Variants in SEC11A observed in about 807,000 individuals in gnomAD.
SEC11A encodes SEC11 homolog A, signal peptidase complex subunit, also known as signal peptidase complex catalytic subunit SEC11A.
Under a neutral mutation model 25.6 loss-of-function variants are expected in SEC11A, and 14 were observed. The observed-to-expected ratio is 0.55, with a 90% CI of 0.36 to 0.85. The LOEUF (loss-of-function observed/expected upper bound fraction) is 0.85, where lower values mean the gene tolerates loss of function less well. Ranked by LOEUF, SEC11A falls within the 40% of genes least tolerant of loss-of-function variation. The pLI is 0.01. For synonymous variants in SEC11A, 83 were observed against 76.4 expected (o/e 1.09, Z -0.45); for missense variants, 153 against 222.9 (o/e 0.69, Z 2.00).
intron 3 of SEC11A, chr15:84,686,756 T>G (rs1897437071): frequency 6.6e-6 from 1 of 152,368 alleles, no homozygotes. Flanking sequence ...TGGAGTGCAG[T>G]GGCACAAACA....
intron 1 of SEC11A, among the ~76,000 whole-genome samples, chr15:84,708,767 G>T (rs977669014): frequency 6.6e-6 from 1 of 151,532 alleles, no homozygotes; most frequent in Non-Finnish European, 1.5e-5. Context: ...CAGCCTAGGT[G>T]ACAGAGCGAG....
chr15:84,691,725 G>A, intron 1 of SEC11A, 81 bp from the exon 2 acceptor site: 1 of 749,204 alleles, frequency 1.3e-6, no homozygotes, highest in South Asian at 1.6e-5. Context: ...CAATTTGAAA[G>A]TTTCAAGCAG....
intron 3 of SEC11A, chr15:84,685,793 ATTTCTTT>A (rs1567036931): frequency 7.7e-6 from 1 of 129,928 alleles, no homozygotes; most frequent in Non-Finnish European, 1.6e-5. Context: ...TCCAAAATAA[ATTTCTTT>A]TTTTTTTTTT....
At chr15:84,700,672 A>C (rs1010819775) in intron 1 of SEC11A, among the ~76,000 whole-genome samples, 1 of 143,608 alleles carries the variant, frequency 7.0e-6, no homozygotes, top group African/African-American at 2.5e-5. Context: ...TTAAGTAGAG[A>C]TGTGGATGAT....
At chr15:84,706,011 A>G (rs1898083401) in intron 1 of SEC11A, among the ~76,000 whole-genome samples, 1 of 151,522 alleles carries the variant, frequency 6.6e-6, no homozygotes, top group Non-Finnish European at 1.5e-5. Context: ...TCCTGGGTTC[A>G]TGCGATTCTC....
intron 1 of SEC11A, among the ~76,000 whole-genome samples, chr15:84,710,118 T>C (rs1390354653): frequency 1.3e-5 from 2 of 152,200 alleles, no homozygotes; most frequent in East Asian, 3.8e-4. Context: ...CAGTTTAAAA[T>C]GTGTAATCAG....
chr15:84,691,862 AT>A, intron 1 of SEC11A: 1 of 394,734 alleles, frequency 2.5e-6, no homozygotes, highest in East Asian at 4.3e-5. Flanking sequence ...TTGGTAAAAC[AT>A]CAGTTACATT....
At chr15:84,698,827 G>T (rs550207336) in intron 1 of SEC11A, among the ~76,000 whole-genome samples, 1 of 152,166 alleles carries the variant, frequency 6.6e-6, no homozygotes, top group South Asian at 2.1e-4. Context: ...TCAGATTTGG[G>T]ATGTTCAACC....
chr15:84,691,079 T>C, intron 2 of SEC11A, among the ~76,000 whole-genome samples: 1 of 150,080 alleles, frequency 6.7e-6, no homozygotes. Context: ...CTCTCTTTTT[T>C]TTTTTTTTTT....
intron 4 of SEC11A, among the ~76,000 whole-genome samples, chr15:84,678,762 A>G (rs34452033): frequency 0.21 from 31,409 of 151,988 alleles, 4,063 homozygotes; most frequent in Middle Eastern, 0.37. Context: ...AGAGGCCAAG[A>G]CAGGTGGATC....
At chr15:84,702,466 C>CAA (rs759030374) in intron 1 of SEC11A, among the ~76,000 whole-genome samples, 6 of 96,994 alleles carry the variant, frequency 6.2e-5, no homozygotes, top group Non-Finnish European at 8.5e-5. Context: ...AACTCCGTCT[C>CAA]AAAAAAAAAA....
At chr15:84,687,912 TGTA>T (rs1378241534) in intron 2 of SEC11A, 138 bp from the exon 3 acceptor site, 1 of 733,374 alleles carries the variant, frequency 1.4e-6, no homozygotes, top group African/African-American at 1.9e-5. Context: ...AACAGAAATG[TGTA>T]TTGTTCTCAA....
chr15:84,706,374 C>A (rs1352717668), intron 1 of SEC11A, among the ~76,000 whole-genome samples: 1 of 152,114 alleles, frequency 6.6e-6, no homozygotes, highest in Non-Finnish European at 1.5e-5. Flanking sequence ...TCCTGACCAT[C>A]AGAGAGAAAT....
At chr15:84,682,804 T>C (rs1264523270) in intron 3 of SEC11A, among the ~76,000 whole-genome samples, 4 of 152,158 alleles carry the variant, frequency 2.6e-5, no homozygotes, top group African/African-American at 9.7e-5. Flanking sequence ...TAAAGAACCA[T>C]GAAGTTTCTA....
chr15:84,706,747 G>C (rs961597976), intron 1 of SEC11A, among the ~76,000 whole-genome samples: 2 of 152,212 alleles, frequency 1.3e-5, no homozygotes, highest in African/African-American at 4.8e-5. Flanking sequence ...TAACAGTTTT[G>C]TACTTTATCA....
intron 1 of SEC11A, among the ~76,000 whole-genome samples, chr15:84,704,925 T>TG (rs1468366595): frequency 2.0e-5 from 3 of 151,022 alleles, no homozygotes; most frequent in Non-Finnish European, 3.0e-5. Context: ...GGAGTCTTTT[T>TG]TTTTTTCTCT....
chr15:84,699,921 G>A (rs74024732), intron 1 of SEC11A, among the ~76,000 whole-genome samples: 2,376 of 152,030 alleles, frequency 0.016, 114 homozygotes, highest in African/African-American at 0.054. Flanking sequence ...CAGCTCTTAT[G>A]GCGTAAGAAT....
At chr15:84,680,038 T>G in intron 4 of SEC11A, 1 of 1,015,020 alleles carries the variant, frequency 9.9e-7, no homozygotes, top group Admixed American at 2.2e-5. Flanking sequence ...ACTAGAAATA[T>G]TATGGATTAA....
At chr15:84,678,503 T>C (rs553280992) in intron 4 of SEC11A, among the ~76,000 whole-genome samples, 3 of 152,354 alleles carry the variant, frequency 2.0e-5, no homozygotes, top group Non-Finnish European at 4.4e-5. Flanking sequence ...GAATAAAATC[T>C]ATATGTTCTA....
Sources: allele counts gnomAD v4.1 joint callset (sites outside exome capture counted in the v4.1 genomes callset), GRCh38; gene constraint gnomAD v4.1.1; transcripts MANE v1.5; gene names NCBI Gene and HGNC (gene_info 2026-07-23, HGNC 2026-07-21).